CLVS1: variants seen among roughly 807,000 people sequenced by gnomAD.
The protein encoded by CLVS1 is clavesin 1.
A neutral mutation model predicts 33.1 loss-of-function variants in CLVS1; 10 were observed. That is an observed-to-expected ratio of 0.30 (90% CI 0.19 to 0.51). The LOEUF (loss-of-function observed/expected upper bound fraction) is 0.51. Ranked by LOEUF, CLVS1 falls within the 20% of genes least tolerant of loss-of-function variation. The pLI, the probability that CLVS1 is intolerant of heterozygous loss-of-function variation, is 0.97. For missense variants in CLVS1, 343 were observed against 433.4 expected (o/e 0.79, Z 1.85); for synonymous variants, 163 against 166.1 (o/e 0.98, Z 0.14).
chr8:61,073,840 G>T (rs1042241528), intron 1 of CLVS1, among the ~76,000 whole-genome samples: 2 of 150,434 alleles, frequency 1.3e-5, no homozygotes, highest in African/African-American at 2.4e-5. Context: ...GTGAAACCCC[G>T]TCTCTACTAA....
chr8:61,362,332 A>G (rs1047650853), intron 2 of CLVS1, among the ~76,000 whole-genome samples: 1 of 152,226 alleles, frequency 6.6e-6, no homozygotes, highest in African/African-American at 2.4e-5. Context: ...CATTTCATAC[A>G]TTGGTCAGTC....
At chr8:61,491,258 T>C (rs993484718) in intron 5 of CLVS1, among the ~76,000 whole-genome samples, 21 of 152,186 alleles carry the variant, frequency 1.4e-4, no homozygotes, top group African/African-American at 4.6e-4. Context: ...GGCTAAAAAA[T>C]GTGATCTTGT....
At chr8:60,996,835 A>C in the CLVS1 span, among the ~76,000 whole-genome samples, 1 of 152,158 alleles carries the variant, frequency 6.6e-6, no homozygotes, top group Non-Finnish European at 1.5e-5. Flanking sequence ...TGACTCTCCA[A>C]GGCCTCTACA....
chr8:61,363,162 G>T (rs1439696038), intron 2 of CLVS1, among the ~76,000 whole-genome samples: 3 of 152,022 alleles, frequency 2.0e-5, no homozygotes, highest in Non-Finnish European at 4.4e-5. Context: ...TCTTCTCAAG[G>T]GTTTCTCTAT....
At chr8:61,191,726 C>A (rs558532068) in intron 2 of CLVS1, among the ~76,000 whole-genome samples, 1 of 152,258 alleles carries the variant, frequency 6.6e-6, no homozygotes, top group South Asian at 2.1e-4. Flanking sequence ...TTCTTATACA[C>A]CAATAACAGA....
At chr8:61,052,406 T>C (rs1804400222), upstream of CLVS1, among the ~76,000 whole-genome samples, 1 of 151,860 alleles carries the variant, frequency 6.6e-6, no homozygotes, top group Non-Finnish European at 1.5e-5. Context: ...AATCCCCAGA[T>C]TGAGGATGGG....
At chr8:61,201,111 C>G (rs1241071521) in intron 2 of CLVS1, among the ~76,000 whole-genome samples, 1 of 152,122 alleles carries the variant, frequency 6.6e-6, no homozygotes, top group Non-Finnish European at 1.5e-5. Flanking sequence ...GCAATTCCAG[C>G]AGAATGAAAT....
chr8:61,106,699 G>C (rs938419877), intron 1 of CLVS1, among the ~76,000 whole-genome samples: 1 of 152,146 alleles, frequency 6.6e-6, no homozygotes, highest in East Asian at 1.9e-4. Context: ...GGAGATGCCT[G>C]GATTTTGTTC....
chr8:61,168,515 C>T (rs1281217901), intron 2 of CLVS1, among the ~76,000 whole-genome samples: 1 of 152,108 alleles, frequency 6.6e-6, no homozygotes, highest in Non-Finnish European at 1.5e-5. Context: ...TTAGAAAAAC[C>T]TATAGCATAC....
intron 2 of CLVS1, among the ~76,000 whole-genome samples, chr8:61,320,062 C>A (rs1811142207): frequency 6.6e-6 from 1 of 152,064 alleles, no homozygotes; most frequent in Non-Finnish European, 1.5e-5. Flanking sequence ...ATGTATCCAG[C>A]ATTTATTATA....
chr8:61,004,886 A>ACTCCCAT, the CLVS1 span, among the ~76,000 whole-genome samples: 1 of 152,050 alleles, frequency 6.6e-6, no homozygotes, highest in East Asian at 1.9e-4. Flanking sequence ...CCCCTCCCCA[A>ACTCCCAT]CTCCCATCTC....
chr8:61,122,566 G>C (rs369559694), intron 1 of CLVS1, among the ~76,000 whole-genome samples: 2 of 84,666 alleles, frequency 2.4e-5, no homozygotes, highest in Admixed American at 1.5e-4. Flanking sequence ...CCTATATTAA[G>C]AAAACACACA....
In CLVS1 at chr8:61,463,266, C is replaced by T. The variant is rs1480172151; in HGVS notation, c.977+4724C>T. On this transcript the variant is annotated intron_variant, in intron 5 of 5. Coordinates refer to ENST00000325897, the MANE Select transcript of CLVS1 (RefSeq NM_173519.3). ...GCTTTGGCTTAAGGAAATGTTGCGG[C>T]TGGTTTGATCATCTATTCAGACCTC... is the stretch of plus-strand genomic sequence containing the variant. 3.3e-5 allele frequency among the ~76,000 whole-genome samples: 5 copies of T among 152,306 alleles called. No homozygotes were observed. The South Asian group carries it at 6.2e-4, about 19-fold the overall frequency.
chr8:61,412,835 T>C (rs1417647043), intron 3 of CLVS1, among the ~76,000 whole-genome samples: 1 of 152,240 alleles, frequency 6.6e-6, no homozygotes, highest in Non-Finnish European at 1.5e-5. Context: ...AGTCAAGAAC[T>C]GGTATTAAGA....
chr8:61,124,521 C>G (rs992763647), intron 1 of CLVS1, among the ~76,000 whole-genome samples: 2 of 152,220 alleles, frequency 1.3e-5, no homozygotes, highest in Admixed American at 1.3e-4. Flanking sequence ...CTTGTCCCCT[C>G]TCTAGTTGAT....
intron 2 of CLVS1, among the ~76,000 whole-genome samples, chr8:61,301,567 A>G (rs1342120518): frequency 6.6e-6 from 1 of 152,224 alleles, no homozygotes; most frequent in Non-Finnish European, 1.5e-5. Flanking sequence ...AAGCTCTGCT[A>G]AGCATAAATA....
intron 2 of CLVS1, among the ~76,000 whole-genome samples, chr8:61,183,997 G>A (rs1482846553): frequency 6.6e-6 from 1 of 152,154 alleles, no homozygotes; most frequent in East Asian, 1.9e-4. Flanking sequence ...AGCTTCCTAG[G>A]CAACTTCCAA....
chr8:61,232,345 T>G (rs1808466352), intron 2 of CLVS1, among the ~76,000 whole-genome samples: 1 of 151,940 alleles, frequency 6.6e-6, no homozygotes, highest in Non-Finnish European at 1.5e-5. Flanking sequence ...CGAGGAAAGT[T>G]TTAGGATAGT....
chr8:61,165,019 G>C (rs959887180), intron 2 of CLVS1, among the ~76,000 whole-genome samples: 1 of 152,238 alleles, frequency 6.6e-6, no homozygotes, highest in Non-Finnish European at 1.5e-5. Context: ...GCCATGCAGT[G>C]AGTGTTATAG....
Sources: allele counts gnomAD v4.1 joint callset (sites outside exome capture counted in the v4.1 genomes callset), GRCh38; gene constraint gnomAD v4.1.1; transcripts MANE v1.5; gene names NCBI Gene and HGNC (gene_info 2026-07-23, HGNC 2026-07-21).